Variants in SCN10A observed in about 807,000 individuals in gnomAD.
SCN10A encodes the protein sodium channel protein type 10 subunit alpha.
SCN10A carries 162 observed loss-of-function variants against 170.7 expected under a neutral mutation model. That is an observed-to-expected ratio of 0.95 (90% CI 0.84 to 1.08). The LOEUF (loss-of-function observed/expected upper bound fraction) is 1.08. Ranked by LOEUF, SCN10A falls within the 50% of genes least tolerant of loss-of-function variation. The probability of loss-of-function intolerance (pLI) is 0.00; values close to 1 mark genes in which losing one functional copy is unlikely to be tolerated. For synonymous variants in SCN10A, 985 were observed against 904.6 expected, an observed-to-expected ratio of 1.09 and a Z score of -1.59; for missense variants, 2,527 against 2,436.9, an observed-to-expected ratio of 1.04 and a Z score of -0.78.
At position 38,755,898 on chromosome 3, in the gene SCN10A, T is replaced by C. The variant is rs747758544; in HGVS notation, c.1351A>G (p.Thr451Ala). The C allele has an allele frequency of 6.2e-7, 1 of 1,614,152 alleles. No homozygotes were observed. The highest frequency in any genetic ancestry group is 8.5e-7 in the Non-Finnish European group (1 of 1,180,002). Residue 451 changes from threonine to alanine, a missense_variant, in exon 11 of 28, where the codon ACC (threonine) becomes GCC (alanine). Physicochemically the swap from Thr to Ala is moderately conservative, Grantham distance 58. Coordinates refer to ENST00000449082, the MANE Select transcript of SCN10A (RefSeq NM_006514.4). ...SLHSHNGSPL[T>A]SKNASERRHR... ...CTTCTCTCACTGGCATTTTTGGAGGTTAAAGGTGATCCATTGTGGGAGTGG... is the reference window on the plus strand; with the variant it reads ...CTTCTCTCACTGGCATTTTTGGAGGCTAAAGGTGATCCATTGTGGGAGTGG...
At chr3:38,746,529 C>T (rs1375385567) in intron 13 of SCN10A, among the ~76,000 whole-genome samples, 1 of 152,056 alleles carries the variant, frequency 6.6e-6, no homozygotes, top group Non-Finnish European at 1.5e-5. Context: ...TGTAACTTCC[C>T]TGCCTCCAAT....
intron 1 of SCN10A, among the ~76,000 whole-genome samples, chr3:38,813,369 C>A (rs2126067389): frequency 6.6e-6 from 1 of 152,238 alleles, no homozygotes; most frequent in South Asian, 2.1e-4. Flanking sequence ...AGCTACATGG[C>A]CTTGAATAAA....
intron 6 of SCN10A, among the ~76,000 whole-genome samples, 158 bp downstream of exon 6, chr3:38,763,347 G>A (rs1258555300): frequency 6.6e-6 from 1 of 152,146 alleles, no homozygotes; most frequent in African/African-American, 2.4e-5. Flanking sequence ...TAGTGAAGAG[G>A]CCTTGGGTTT....
At chr3:38,749,424 C>T (rs182782223) in intron 13 of SCN10A, among the ~76,000 whole-genome samples, 13 of 152,330 alleles carry the variant, frequency 8.5e-5, no homozygotes, top group Non-Finnish European at 1.5e-5. Flanking sequence ...GATGCAATCA[C>T]GCTCTATGGC....
chr3:38,740,498 A>G (rs1575984578), intron 14 of SCN10A, among the ~76,000 whole-genome samples: 1 of 152,228 alleles, frequency 6.6e-6, no homozygotes, highest in Non-Finnish European at 1.5e-5. Context: ...TGACTTTCTC[A>G]TGCCACAAGA....
At chr3:38,705,126 G>A (rs148181348) in intron 26 of SCN10A, among the ~76,000 whole-genome samples, 1 of 152,324 alleles carries the variant, frequency 6.6e-6, no homozygotes, top group African/African-American at 2.4e-5. Context: ...TGCAGGTGCT[G>A]CTTGGACTCT....
At chr3:38,706,542 C>T (rs1286834980) in intron 26 of SCN10A, among the ~76,000 whole-genome samples, 1 of 152,210 alleles carries the variant, frequency 6.6e-6, no homozygotes, top group African/African-American at 2.4e-5. Flanking sequence ...TCTTCACCCC[C>T]AAACCTGTTC....
At chr3:38,790,139 A>G (rs7639104) in intron 3 of SCN10A, among the ~76,000 whole-genome samples, 3,907 of 152,282 alleles carry the variant, frequency 0.026, 159 homozygotes, top group African/African-American at 0.089. Context: ...ATGGGGGGAA[A>G]TGTTAATCCA....
At chr3:38,801,552 C>T (rs566096114) in intron 1 of SCN10A, among the ~76,000 whole-genome samples, 74 of 152,220 alleles carry the variant, frequency 4.9e-4, no homozygotes, top group Middle Eastern at 3.4e-3. Context: ...GATTGGGGCA[C>T]CATTGGAGAG....
In SCN10A at chr3:38,793,844, T is replaced by A; in HGVS notation, c.167A>T (p.Asp56Val). 1 of 1,614,064 alleles carries A rather than the reference T, an allele frequency of 6.2e-7. No homozygotes were observed. The change falls in exon 2 of 28, where the codon GAC becomes GTC. Residue 56 changes from aspartate (D) to valine (V), a missense_variant. Coordinates refer to ENST00000449082, the MANE Select transcript of SCN10A (RefSeq NM_006514.4). ...GGGCAGCTGGTTGCAGGCTTTCAAG[T>A]CCAGCTGGGGCCGAGGCTTCTCTTC... ...DQEEKPRPQL[D>V]LKACNQLPKF... is the part of the protein sequence containing the mutation.
intron 26 of SCN10A, among the ~76,000 whole-genome samples, chr3:38,705,256 G>T (rs2063198197): frequency 6.6e-6 from 1 of 152,152 alleles, no homozygotes; most frequent in Non-Finnish European, 1.5e-5. Context: ...CCTTGCTTGG[G>T]CCAGAATATT....
intron 13 of SCN10A, among the ~76,000 whole-genome samples, chr3:38,746,926 T>C (rs943408518): frequency 3.3e-5 from 5 of 152,198 alleles, no homozygotes; most frequent in Non-Finnish European, 7.4e-5. Flanking sequence ...GTTCAGTGAA[T>C]TGTCAAACTC....
intron 3 of SCN10A, 132 bp downstream of exon 3, chr3:38,791,918 A>G (rs953479013): frequency 3.2e-6 from 4 of 1,232,012 alleles, no homozygotes; most frequent in East Asian, 2.4e-5. Context: ...CATTTTTTCA[A>G]TCTAATGACC....
At chr3:38,733,746 G>A (rs1031054012) in intron 15 of SCN10A, among the ~76,000 whole-genome samples, 44 of 151,938 alleles carry the variant, frequency 2.9e-4, no homozygotes, top group Non-Finnish European at 5.6e-4. Context: ...TTGAGATGGA[G>A]TTTTGCCCTT....
intron 21 of SCN10A, among the ~76,000 whole-genome samples, chr3:38,718,141 A>T (rs968361227): frequency 6.6e-6 from 1 of 152,254 alleles, no homozygotes; most frequent in Non-Finnish European, 1.5e-5. Flanking sequence ...CATTTATAAA[A>T]TACAGGTGCC....
In SCN10A at chr3:38,728,836, G is replaced by A; in HGVS notation, c.2346C>T (p.Asn782=). ...TLNTLIKIIG[N]SVGALGNLTI... ...TGAGGTTCCCCAGTGCCCCCACTGAGTTTCCGATGATCTTGATGAGTGTGT... is the reference window on the plus strand; with the variant it reads ...TGAGGTTCCCCAGTGCCCCCACTGAATTTCCGATGATCTTGATGAGTGTGT... Residue 782 remains asparagine (N), a synonymous_variant, in exon 16 of 28, where the codon AAC becomes AAT. Transcript: ENST00000449082. 6.2e-7 allele frequency: 1 copy of A among 1,614,206 alleles called. No individual in the cohort carries two copies. The highest frequency in any genetic ancestry group is 8.5e-7 in the Non-Finnish European group (1 of 1,180,036).
intron 4 of SCN10A, among the ~76,000 whole-genome samples, chr3:38,781,500 T>C (rs1245153526): frequency 2.6e-5 from 4 of 152,164 alleles, no homozygotes; most frequent in Admixed American, 6.5e-5. Context: ...TGAATTGGGC[T>C]ATGAAGTTTT....
chr3:38,753,378 A>T (rs1249477565), intron 11 of SCN10A, among the ~76,000 whole-genome samples: 2 of 152,188 alleles, frequency 1.3e-5, no homozygotes, highest in African/African-American at 4.8e-5. Context: ...CATTGACTTC[A>T]TACCAAACTC....
At chr3:38,801,611 G>A (rs1327787372) in intron 1 of SCN10A, among the ~76,000 whole-genome samples, 1 of 152,130 alleles carries the variant, frequency 6.6e-6, no homozygotes, top group Non-Finnish European at 1.5e-5. Context: ...GTTCAGATTT[G>A]GTGAGATTTC....
Sources: gnomAD v4.1 joint callset for allele counts (sites outside exome capture counted in the v4.1 genomes callset) on GRCh38, gnomAD v4.1.1 for gene constraint, MANE v1.5 for transcripts, NCBI Gene and HGNC (gene_info 2026-07-23, HGNC 2026-07-21) for gene names.